The following CSPG4 variants were observed in gnomAD, a reference collection of about 807,000 sequenced individuals.
CSPG4 encodes the protein chondroitin sulfate proteoglycan 4, also known as chondroitin sulfate proteoglycan 4 (melanoma-associated).
Under a neutral mutation model 139.3 loss-of-function variants are expected in CSPG4, and 74 were observed. The ratio of observed to expected loss-of-function variants is 0.53; its 90% CI spans 0.44 to 0.64. The LOEUF (loss-of-function observed/expected upper bound fraction) is 0.64. Ranked by LOEUF, CSPG4 falls within the 30% of genes least tolerant of loss-of-function variation. CSPG4 has a pLI of 0.00. For synonymous variants in CSPG4, 1,234 were observed against 1,394.2 expected (o/e 0.89, Z 2.56); for missense variants, 2,565 against 3,148.3 (o/e 0.81, Z 4.43).
In CSPG4 at chr15:75,693,065, C is replaced by T. The variant is rs1894185321; in HGVS notation, c.252+5G>A. ...CCGCCCAGATCTCAGGGGGACGTCA[C>T]TCACCTGCAGGCGTCCAGAGTAGAG... On this transcript the variant is annotated splice_donor_5th_base_variant and intron_variant, in intron 2 of 9. Coordinates refer to ENST00000308508, the MANE Select transcript of CSPG4 (RefSeq NM_001897.5). 1 of 1,407,298 alleles carries T rather than the reference C, an allele frequency of 7.1e-7. No homozygotes were observed. Among genetic ancestry groups the T allele is most frequent in the Admixed American group, 2.0e-5 (1 of 50,250 alleles). The allele number at this position is 1,407,298 out of a possible 1,614,324, so 87.2% of individuals were successfully genotyped here.
In CSPG4 at chr15:75,688,336, G is replaced by A. The variant is rs372154172; in HGVS notation, c.2729C>T (p.Pro910Leu). Residue 910 changes from proline (P) to leucine (L), a missense_variant, in exon 3 of 10, where the codon CCT (proline) becomes CTT (leucine). By Grantham distance (98) the Pro-to-Leu change is moderately conservative (BLOSUM62 -3). Around this residue, in one of 5 missense-constraint regions of CSPG4, gnomAD observed 2,316 missense variants for 2,818.2 expected, o/e 0.82. Coordinates refer to ENST00000308508, the MANE Select transcript of CSPG4 (RefSeq NM_001897.5). ...AGAGAGGACACCCTCACCACCCTCAGGCACCACGAGGAGGACATTGGTGAG... is the reference window on the plus strand; with the variant it reads ...AGAGAGGACACCCTCACCACCCTCAAGCACCACGAGGAGGACATTGGTGAG... ...PVLTNVLLVVPEGGEGVLSAD... is the reference protein window; with the variant it reads ...PVLTNVLLVVLEGGEGVLSAD... 7 of 1,613,282 alleles carry A rather than the reference G, an allele frequency of 4.3e-6. No homozygotes were observed. The highest frequency in any genetic ancestry group is 1.3e-5 in the African/African-American group (1 of 75,062).
Position 75,687,259 on chromosome 15 carries a change from C to G in CSPG4, c.3789+17G>C. On this transcript the variant is annotated intron_variant, in intron 3 of 9. Coordinates refer to ENST00000308508, the MANE Select transcript of CSPG4 (RefSeq NM_001897.5). This position sits in a 1 kb window ranked among gnomAD's most constrained non-coding sequence, Gnocchi z 5.4. ...CTACCTGGCCCACACCCCTGCTCAC[C>G]ACCTCCAACTCCTCACCTCCAGCTG... is the stretch of plus-strand genomic sequence containing the variant. 6.2e-7 allele frequency: 1 copy of G among 1,609,248 alleles called. No homozygotes were observed. Among genetic ancestry groups the G allele is most frequent in the Non-Finnish European group, 8.5e-7 (1 of 1,179,798 alleles).
chr15:75,697,839 G>C (rs912886908), intron 1 of CSPG4, among the ~76,000 whole-genome samples: 1 of 152,174 alleles, frequency 6.6e-6, no homozygotes, highest in Admixed American at 6.5e-5. Context: ...GTGAGAGGTG[G>C]AATGCGTAAT....
At chr15:75,683,379 C>T (rs187976980) in intron 5 of CSPG4, among the ~76,000 whole-genome samples, 3 of 152,184 alleles carry the variant, frequency 2.0e-5, no homozygotes, top group East Asian at 3.9e-4. Flanking sequence ...AAACCCCCAG[C>T]GCTGACCAAC....
chr15:75,710,226 G>A (rs114360596), intron 1 of CSPG4, among the ~76,000 whole-genome samples: 1,588 of 152,270 alleles, frequency 0.01, 31 homozygotes, highest in African/African-American at 0.036. Flanking sequence ...GTGATGCCAG[G>A]GAAGAGGTGT....
At chr15:75,680,546 G>A (rs1439037499) in intron 8 of CSPG4, 4 of 152,642 alleles carry the variant, frequency 2.6e-5, no homozygotes, top group Non-Finnish European at 5.9e-5. Flanking sequence ...AGGCTGAATG[G>A]TGGGCAGGAA....
rs771387122 is a variant in CSPG4 at position 75,689,471 on chromosome 15, AGGGCAT to A, written c.1588_1593del (p.Met530_Pro531del). ...TATGTTTGGCCCCTCCGAAGGCATGAGGGCATGGGCACCCGAGCCGTCACCGACACC... is the reference window on the plus strand; with the variant it reads ...TATGTTTGGCCCCTCCGAAGGCATGAGGGCACCCGAGCCGTCACCGACACC... On this transcript the variant is annotated inframe_deletion, in exon 3 of 10. Transcript: ENST00000308508. 36 of 1,612,638 alleles carry A rather than the reference AGGGCAT, an allele frequency of 2.2e-5. No homozygotes were observed. The highest frequency in any genetic ancestry group is 3.1e-5 in the Non-Finnish European group (36 of 1,179,848).
rs1893874212 is a variant in CSPG4, at chr15:75,675,376, A to G, written c.*174T>C. 4.9e-6 allele frequency: 3 copies of G among 618,014 alleles called. No individual in the cohort carries two copies. The highest frequency in any genetic ancestry group is 7.1e-6 in the Non-Finnish European group (3 of 424,754). 38.3% of individuals were successfully genotyped at this position (618,014 alleles called of 1,614,324 possible). On this transcript the variant is annotated 3_prime_UTR_variant, in exon 10 of 10. Transcript: ENST00000308508. ...GAGCTGAGGGAGGTTCCAGCTCTTG[A>G]CTCCACTCTGTCCCGGACCCCTGGG...
At position 75,677,877 on chromosome 15, in the gene CSPG4, C is replaced by A; in HGVS notation, c.4960G>T (p.Gly1654Trp). 6.2e-7 allele frequency: 1 copy of A among 1,608,840 alleles called. No individual in the cohort carries two copies. The highest frequency in any genetic ancestry group is 8.5e-7 in the Non-Finnish European group (1 of 1,177,532). The part of the protein sequence containing the change: ...VNFTQAEVYA[G>W]NILYEHEMPP... ...ATCTCATGCTCATACAGAATATTCC[C>A]AGCGTAGACCTAGGGGAGACACCAT... Residue 1654 changes from glycine to tryptophan, a missense_variant, in exon 9 of 10, where the codon GGG becomes TGG. By Grantham distance (184) the Gly-to-Trp change is radical (BLOSUM62 -2). Transcript: ENST00000308508.
intron 1 of CSPG4, among the ~76,000 whole-genome samples, chr15:75,694,222 T>C (rs1455951918): frequency 6.6e-6 from 1 of 152,242 alleles, no homozygotes; most frequent in Admixed American, 6.5e-5. Context: ...CTGGGGTTAG[T>C]GGTTCCTATG....
At position 75,677,740 on chromosome 15, in the gene CSPG4, G is replaced by A; in HGVS notation, c.5097C>T (p.Ala1699=). Residue 1699 remains alanine, a synonymous_variant, in exon 9 of 10, where the codon GCC becomes GCT. Transcript: ENST00000308508. ...AGAGGTGGCTGGGGCGCTGGGGACAGGCAGCCTCAAAAGACACAGCCACAG... is the reference window on the plus strand; with the variant it reads ...AGAGGTGGCTGGGGCGCTGGGGACAAGCAGCCTCAAAAGACACAGCCACAG... ...TLAVAVSFEA[A]CPQRPSHLWK... The A allele has an allele frequency of 2.5e-6, 4 of 1,608,694 alleles. No homozygotes were observed. Among genetic ancestry groups the A allele is most frequent in the Non-Finnish European group, 3.4e-6 (4 of 1,177,780 alleles).
rs1304079804 is a variant in CSPG4, at chr15:75,688,920, C to A, written c.2145G>T (p.Gln715His). 6.2e-7 allele frequency: 1 copy of A among 1,612,492 alleles called. No individual in the cohort carries two copies. The highest frequency in any genetic ancestry group is 1.1e-5 in the South Asian group (1 of 91,060). ...GALQFGELQK[Q>H]GAGGVEGAEW... ...CAGCACCCTCCACCCCACCTGCCCC[C>A]TGCTTCTGCAGCTCCCCAAACTGCA... is the stretch of plus-strand genomic sequence containing the variant. Residue 715 changes from glutamine to histidine, a missense_variant, in exon 3 of 10, where the codon CAG becomes CAT. Transcript: ENST00000308508.
chr15:75,702,141 G>A (rs1467123479), intron 1 of CSPG4, among the ~76,000 whole-genome samples: 1 of 152,180 alleles, frequency 6.6e-6, no homozygotes, highest in Non-Finnish European at 1.5e-5. Flanking sequence ...TTGCCCCAGG[G>A]TCAGGCCCCC....
Position 75,676,306 on chromosome 15 carries a change from G to A in CSPG4, c.6213C>T (p.Gly2071=), listed in dbSNP as rs764380200. ...CACTGCCTGTGCGGTTGGCCAGCTC[G>A]CCAGCATCTAGGACGGTGGGGTCCA... ...LRLDPTVLDA[G]ELANRTGSVP... Residue 2071 remains glycine, a synonymous_variant, in exon 10 of 10, where the codon GGC becomes GGT. Coordinates refer to ENST00000308508, the MANE Select transcript of CSPG4 (RefSeq NM_001897.5). 8.7e-6 allele frequency: 14 copies of A among 1,605,312 alleles called. No individual in the cohort carries two copies. The highest frequency in any genetic ancestry group is 2.2e-5 in the South Asian group (2 of 90,702).
rs540626275 is a variant in CSPG4 at position 75,711,784 on chromosome 15, C to T, written c.88+884G>A. Among the ~76,000 whole-genome samples the T allele has an allele frequency of 9.0e-3, 1,373 of 151,868 alleles. 11 individuals carry two copies. Among genetic ancestry groups the T allele is most frequent in the South Asian group, 0.014 (68 of 4,780 alleles). ...AGTGATGATGGATGGGCCCTAAGGC[C>T]ACAGTTCTTATGGCATAACTAGAGC... On this transcript the variant is annotated intron_variant, in intron 1 of 9. Coordinates refer to ENST00000308508, the MANE Select transcript of CSPG4 (RefSeq NM_001897.5).
rs546975831 is a variant in CSPG4, at chr15:75,683,710, T to G, written c.4450-669A>C. On this transcript the variant is annotated intron_variant, in intron 5 of 9. Transcript: ENST00000308508. ...GTTCCTGAGGTCCTGGTACCAGTCT[T>G]GCTGGGTCAATTACTTGCGGGCAGA... Among the ~76,000 whole-genome samples the G allele has an allele frequency of 2.0e-5, 3 of 152,272 alleles. No individual in the cohort carries two copies. In the South Asian group the frequency reaches 6.2e-4, roughly 32 times the overall value.
rs1335643858 is a variant in CSPG4 at position 75,687,136 on chromosome 15, G to A, written c.3789+140C>T. The A allele has an allele frequency of 2.1e-6, 2 of 966,196 alleles. No individual in the cohort carries two copies. The highest frequency in any genetic ancestry group is 3.2e-6 in the Non-Finnish European group (2 of 627,378). The allele number at this position is 966,196 out of a possible 1,614,324, so 59.9% of individuals were successfully genotyped here. Reference sequence around the variant, plus strand: ...ACTCCTGGGAGCACAACATATACGGGAGCACATCTGAGGCACGTGCACACA... The same window carrying A: ...ACTCCTGGGAGCACAACATATACGGAAGCACATCTGAGGCACGTGCACACA... On this transcript the variant is annotated intron_variant, in intron 3 of 9. Coordinates refer to ENST00000308508, the MANE Select transcript of CSPG4 (RefSeq NM_001897.5). The surrounding 1 kb of genome is among the most constrained non-coding windows in gnomAD (Gnocchi z 5.4).
intron 1 of CSPG4, among the ~76,000 whole-genome samples, chr15:75,699,890 G>A (rs963930460): frequency 5.3e-5 from 8 of 152,100 alleles, no homozygotes; most frequent in Non-Finnish European, 7.4e-5. Flanking sequence ...GGCTCCATCC[G>A]TACCCTCCTT....
intron 3 of CSPG4, among the ~76,000 whole-genome samples, chr15:75,686,874 G>C (rs1767225529): frequency 6.6e-6 from 1 of 152,222 alleles, no homozygotes; most frequent in South Asian, 2.1e-4. Flanking sequence ...GGGACATGAG[G>C]GTCTGAGGAG....
Sources: allele counts gnomAD v4.1 joint callset (sites outside exome capture counted in the v4.1 genomes callset), GRCh38; gene constraint gnomAD v4.1.1; regional missense constraint gnomAD v4.1.1; non-coding constraint Gnocchi (gnomAD v3.1); transcripts MANE v1.5; gene names NCBI Gene and HGNC (gene_info 2026-07-23, HGNC 2026-07-21).